The following ABCB4 variants were observed in gnomAD, a reference collection of about 807,000 sequenced individuals.
ABCB4 encodes phosphatidylcholine translocator ABCB4.
Under a neutral mutation model 145.7 loss-of-function variants are expected in ABCB4, and 76 were observed. That is an observed-to-expected ratio of 0.52 (90% CI 0.43 to 0.63). ABCB4 has a LOEUF of 0.63. ABCB4 is among the 30% of genes least tolerant of loss of function. The pLI, the probability that ABCB4 is intolerant of heterozygous loss-of-function variation, is 0.00. For missense variants in ABCB4, 1,234 were observed against 1,553.1 expected (o/e 0.79, Z 3.45); for synonymous variants, 517 against 566.8 (o/e 0.91, Z 1.25).
chr7:87,391,699 A>T, the ABCB4 span: 3 of 1,609,048 alleles, frequency 1.9e-6, no homozygotes, highest in African/African-American at 1.3e-5. Context: ...TCCATGCAGG[A>T]TCCTTCTGTC....
chr7:87,439,492 C>T (rs1810826668), intron 14 of ABCB4, among the ~76,000 whole-genome samples, 175 bp downstream of exon 14: 1 of 152,092 alleles, frequency 6.6e-6, no homozygotes, highest in Admixed American at 6.5e-5. Context: ...AAGTCAGTAC[C>T]CTTCACCTGT....
intron 5 of ABCB4, among the ~76,000 whole-genome samples, chr7:87,453,806 CACT>C (rs986531721): frequency 1.7e-4 from 26 of 152,162 alleles, no homozygotes; most frequent in African/African-American, 2.9e-4. Context: ...CTGAAAAGTT[CACT>C]ACTATTTACA....
chr7:87,391,728 GA>G, the ABCB4 span: 32 of 1,593,790 alleles, frequency 2.0e-5, no homozygotes, highest in African/African-American at 1.8e-4. Flanking sequence ...TATTGGAAAG[GA>G]AAAAAACTCA....
chr7:87,430,555 C>T (rs1290426529), intron 15 of ABCB4, among the ~76,000 whole-genome samples: 3 of 152,128 alleles, frequency 2.0e-5, no homozygotes, highest in Non-Finnish European at 2.9e-5. Flanking sequence ...GACAGAGTCT[C>T]GCTCTGTCAC....
intron 21 of ABCB4, among the ~76,000 whole-genome samples, chr7:87,414,082 T>C (rs562356489): frequency 2.0e-5 from 3 of 152,280 alleles, no homozygotes; most frequent in African/African-American, 7.2e-5. Flanking sequence ...GGCAGAGTCC[T>C]AAAAGAAAGG....
In ABCB4 at chr7:87,453,005, G is replaced by A. The variant is rs377160065; in HGVS notation, c.475C>T (p.Arg159Ter). 15 of 1,613,814 alleles carry A rather than the reference G, an allele frequency of 9.3e-6. No individual in the cohort carries two copies. The highest frequency in any genetic ancestry group is 2.7e-5 in the African/African-American group (2 of 74,814). ...ATGTCAAACCATCCTATTTCCTGTC[G>A]TAGAATAGCATGAAAAAACTTCTGC... ...IRQKFFHAIL[R>*]QEIGWFDIND... The change falls in exon 6 of 28, where the codon CGA becomes TGA. Residue 159 changes from arginine (R) to a stop codon, truncating the protein, a stop_gained. Transcript: ENST00000649586. LOFTEE classifies it high-confidence loss of function.
At chr7:87,437,449 T>C (rs1486222907) in intron 14 of ABCB4, among the ~76,000 whole-genome samples, 1 of 152,166 alleles carries the variant, frequency 6.6e-6, no homozygotes, top group Non-Finnish European at 1.5e-5. Context: ...GCCAATACAC[T>C]GAATTGTTTT....
intron 3 of ABCB4, among the ~76,000 whole-genome samples, chr7:87,470,047 C>A (rs980123699): frequency 1.3e-5 from 2 of 152,090 alleles, no homozygotes; most frequent in Non-Finnish European, 2.9e-5. Flanking sequence ...CAGAACAGAG[C>A]CCTCAGAAAT....
chr7:87,440,143 A>G (rs1810875226), intron 13 of ABCB4, 56 bp downstream of exon 13: 2 of 1,547,544 alleles, frequency 1.3e-6, no homozygotes, highest in East Asian at 4.5e-5. Flanking sequence ...GAATAAACTC[A>G]GTCCTATGAG....
rs1027171706 is a variant in ABCB4, at chr7:87,439,923, G to A, written c.1561-86C>T. On this transcript the variant is annotated intron_variant, in intron 13 of 27. Coordinates refer to ENST00000649586, the MANE Select transcript of ABCB4 (RefSeq NM_000443.4). ...CTATAGAACTACATAAAGACAACATGGAGCTTTGTCTTAACTATTTTAATG... is the reference window on the plus strand; with the variant it reads ...CTATAGAACTACATAAAGACAACATAGAGCTTTGTCTTAACTATTTTAATG... 5 of 1,542,416 alleles carry A rather than the reference G, an allele frequency of 3.2e-6. No homozygotes were observed. In the Admixed American group the frequency reaches 5.0e-5, roughly 16 times the overall value.
intron 3 of ABCB4, among the ~76,000 whole-genome samples, chr7:87,471,374 T>C (rs1813386144): frequency 6.6e-6 from 1 of 151,702 alleles, no homozygotes; most frequent in African/African-American, 2.4e-5. Flanking sequence ...TTTAAACAAA[T>C]TTAAAAAAAT....
the ABCB4 span, chr7:87,375,593 C>A: frequency 6.8e-7 from 1 of 1,476,846 alleles, no homozygotes; most frequent in Non-Finnish European, 9.5e-7. Flanking sequence ...TTACTTTCTG[C>A]CTGTACTCTT....
chr7:87,390,830 C>T, the ABCB4 span, among the ~76,000 whole-genome samples: 1 of 152,226 alleles, frequency 6.6e-6, no homozygotes, highest in African/African-American at 2.4e-5. Context: ...AACGTAGTGG[C>T]TTAAAACACA....
chr7:87,407,542 C>T (rs1005616248), intron 25 of ABCB4, among the ~76,000 whole-genome samples: 1 of 152,146 alleles, frequency 6.6e-6, no homozygotes, highest in African/African-American at 2.4e-5. Flanking sequence ...AAGAGAGCCA[C>T]GGGGCTACAT....
At position 87,443,666 on chromosome 7, in the gene ABCB4, G is replaced by T. The variant is rs1156736810; in HGVS notation, c.1227C>A (p.Val409=). The T allele has an allele frequency of 2.4e-5, 39 of 1,611,782 alleles. No homozygotes were observed. The highest frequency in any genetic ancestry group is 3.2e-5 in the Non-Finnish European group (38 of 1,177,982). The change falls in exon 11 of 28, where the codon GTC becomes GTA. Residue 409 remains valine, a synonymous_variant. Coordinates refer to ENST00000649586, the MANE Select transcript of ABCB4 (RefSeq NM_000443.4). The part of the protein sequence containing the change: ...VHFSYPSRAN[V]KILKGLNLKV... The stretch of plus-strand genomic sequence containing the variant: ...CTATAAATATTACTTACAGTACCTT[G>T]ACGTTAGCTCGAGAAGGGTAAGAAA...
chr7:87,475,569 C>A (rs940107224), intron 1 of ABCB4, 65 bp downstream of exon 1: 2 of 1,199,000 alleles, frequency 1.7e-6, no homozygotes, highest in African/African-American at 3.0e-5. Context: ...GGTCCGGCCA[C>A]TCCCGCCCCG....
rs1299557627 is a variant in ABCB4, at chr7:87,402,068, T to C, written c.*28A>G. 1 of 1,612,710 alleles carries C rather than the reference T, an allele frequency of 6.2e-7. No individual in the cohort carries two copies. On this transcript the variant is annotated 3_prime_UTR_variant, in exon 28 of 28. Transcript: ENST00000649586. Reference sequence around the variant, plus strand: ...ATAAAATGGTAGAATAATTTGAATTTATTTTTAAAATATACTGTAGCAAAA... The same window carrying C: ...ATAAAATGGTAGAATAATTTGAATTCATTTTTAAAATATACTGTAGCAAAA...
At chr7:87,471,380 AAAAT>A (rs1471664490) in intron 3 of ABCB4, among the ~76,000 whole-genome samples, 1 of 152,210 alleles carries the variant, frequency 6.6e-6, no homozygotes, top group African/African-American at 2.4e-5. Flanking sequence ...CAAATTTAAA[AAAAT>A]AAAGAAAAAA....
intron 25 of ABCB4, among the ~76,000 whole-genome samples, chr7:87,407,423 C>T (rs1259244809): frequency 2.0e-5 from 3 of 152,202 alleles, no homozygotes; most frequent in African/African-American, 7.2e-5. Flanking sequence ...AGGCTTAACA[C>T]TTTGGTGACT....
Sources: gnomAD v4.1 joint callset for allele counts (sites outside exome capture counted in the v4.1 genomes callset) on GRCh38, gnomAD v4.1.1 for gene constraint, MANE v1.5 for transcripts, NCBI Gene and HGNC (gene_info 2026-07-23, HGNC 2026-07-21) for gene names.